OCA2: variants seen among roughly 807,000 people sequenced by gnomAD.
The protein encoded by OCA2 is P protein.
A neutral mutation model predicts 100.2 loss-of-function variants in OCA2; 77 were observed. The observed-to-expected ratio is 0.77, with a 90% CI of 0.64 to 0.93. OCA2 has a LOEUF of 0.93. Among genes scored for constraint, OCA2 ranks in the 40% least tolerant of loss-of-function variants. The probability of loss-of-function intolerance (pLI) is 0.00; values close to 1 mark genes in which losing one functional copy is unlikely to be tolerated. For synonymous variants in OCA2, 432 were observed against 439.2 expected, an observed-to-expected ratio of 0.98 and a Z score of 0.21; for missense variants, 1,062 against 1,089.1, an observed-to-expected ratio of 0.98 and a Z score of 0.35.
chr15:27,807,714 CT>C (rs1365727820), intron 23 of OCA2, among the ~76,000 whole-genome samples: 2 of 152,172 alleles, frequency 1.3e-5, no homozygotes, highest in African/African-American at 2.4e-5. Flanking sequence ...ATAATCTCCT[CT>C]CCCATAAAAA....
At chr15:28,069,593 G>T (rs1412631495) in intron 2 of OCA2, among the ~76,000 whole-genome samples, 1 of 140,790 alleles carries the variant, frequency 7.1e-6, no homozygotes, top group Non-Finnish European at 1.5e-5. Flanking sequence ...TGGTGGAGAC[G>T]GGGTTTCGCT....
intron 2 of OCA2, among the ~76,000 whole-genome samples, chr15:28,032,629 C>CAAAA (rs59831968): frequency 2.1e-5 from 3 of 141,014 alleles, no homozygotes; most frequent in Non-Finnish European, 3.1e-5. Context: ...ACTAAAAATA[C>CAAAA]AAAAAAAAAA....
At chr15:28,077,326 T>C (rs1273367466) in intron 2 of OCA2, among the ~76,000 whole-genome samples, 2 of 152,224 alleles carry the variant, frequency 1.3e-5, no homozygotes, top group African/African-American at 4.8e-5. Flanking sequence ...CCCAAAGTGC[T>C]GGGATTACAG....
At chr15:28,072,487 G>A (rs2044292466) in intron 2 of OCA2, among the ~76,000 whole-genome samples, 1 of 151,668 alleles carries the variant, frequency 6.6e-6, no homozygotes, top group African/African-American at 2.4e-5. Flanking sequence ...CTACTCGGAA[G>A]GCTGAGGCAG....
At chr15:27,766,748 C>T (rs4778177) in intron 23 of OCA2, among the ~76,000 whole-genome samples, 21,672 of 152,170 alleles carry the variant, frequency 0.14, 2,274 homozygotes, top group East Asian at 0.58. Flanking sequence ...AGCCCAGCAG[C>T]CCTGCTTCCC....
Position 27,926,145 on chromosome 15 carries a change from C to T in OCA2, c.2061G>A (p.Ala687=), listed in dbSNP as rs138335119. 78 of 1,613,956 alleles carry T rather than the reference C, an allele frequency of 4.8e-5. No homozygotes were observed. In the African/African-American group the frequency reaches 8.7e-4, roughly 18 times the overall value. The change falls in exon 19 of 24, where the codon GCG becomes GCA. Residue 687 remains alanine, a synonymous_variant. Transcript: ENST00000354638. Reference sequence around the variant, plus strand: ...ATCTTACCTCCATCAGAACAAAGAGCGCTGCAAAAAACAGAAGGGTTGCCC... The same window carrying T: ...ATCTTACCTCCATCAGAACAAAGAGTGCTGCAAAAAACAGAAGGGTTGCCC... ...VEWATLLFFA[A]LFVLMEALAH... is the part of the protein sequence containing the mutation.
the OCA2 span, among the ~76,000 whole-genome samples, chr15:27,725,299 G>A: frequency 2.0e-5 from 3 of 152,298 alleles, no homozygotes; most frequent in African/African-American, 4.8e-5. Flanking sequence ...TTCCTTGACC[G>A]GGCATGGTGG....
intron 19 of OCA2, chr15:27,896,464 A>C: frequency 1.6e-6 from 1 of 619,894 alleles, no homozygotes; most frequent in East Asian, 2.9e-5. Flanking sequence ...AAGAAGCCCA[A>C]GAAAAAAGTT....
intron 2 of OCA2, among the ~76,000 whole-genome samples, chr15:28,044,939 T>C (rs1485229688): frequency 6.6e-6 from 1 of 152,222 alleles, no homozygotes; most frequent in Non-Finnish European, 1.5e-5. Context: ...ATACTTAGAA[T>C]TGGTTCCTTT....
At chr15:27,940,703 G>A (rs776034288) in intron 18 of OCA2, among the ~76,000 whole-genome samples, 4 of 152,200 alleles carry the variant, frequency 2.6e-5, no homozygotes, top group Non-Finnish European at 5.9e-5. Flanking sequence ...GTTTGCAAAC[G>A]TTGAAAGAAA....
chr15:27,987,447 T>C (rs557757026), intron 11 of OCA2, among the ~76,000 whole-genome samples: 31 of 151,910 alleles, frequency 2.0e-4, no homozygotes, highest in East Asian at 5.8e-4. Flanking sequence ...AGGCTGGGTG[T>C]GGTGGCTCAC....
In OCA2 at chr15:28,081,681, C is replaced by T. The variant is rs2044628394; in HGVS notation, c.194G>A (p.Gly65Asp). 3.7e-6 allele frequency: 6 copies of T among 1,613,840 alleles called. No individual in the cohort carries two copies. Among genetic ancestry groups the T allele is most frequent in the Non-Finnish European group, 5.1e-6 (6 of 1,180,018 alleles). Residue 65 changes from glycine to aspartate, a missense_variant, in exon 2 of 24, where the codon GGC becomes GAC. Physicochemically the swap from Gly to Asp is moderately conservative, Grantham distance 94. Transcript: ENST00000354638. ...TGTGAGGAATGAAGCAAACTCCTGG[C>T]CTGCAGGAGCCCAAGAGCTCTGCCC... is the stretch of plus-strand genomic sequence containing the variant. ...AAGQSSWAPA[G>D]QEFASFLTKG...
chr15:27,757,965 C>T (rs1056542748), intron 23 of OCA2, among the ~76,000 whole-genome samples: 6 of 152,150 alleles, frequency 3.9e-5, no homozygotes, highest in Admixed American at 2.0e-4. Context: ...GAATTTTACT[C>T]TCAAATTAAA....
chr15:28,024,151 C>T (rs1372842210), intron 5 of OCA2, among the ~76,000 whole-genome samples: 2 of 152,156 alleles, frequency 1.3e-5, no homozygotes, highest in Admixed American at 6.5e-5. Context: ...GCTCCCTGCT[C>T]GGGCTCCTGT....
At chr15:27,798,967 A>G (rs16950428) in intron 23 of OCA2, among the ~76,000 whole-genome samples, 27,718 of 152,200 alleles carry the variant, frequency 0.18, 3,361 homozygotes, top group African/African-American at 0.34. Flanking sequence ...CTGTTACATA[A>G]AGAGAGAGAC....
chr15:28,084,326 A>T (rs2044736278), intron 1 of OCA2, among the ~76,000 whole-genome samples: 1 of 152,090 alleles, frequency 6.6e-6, no homozygotes, highest in Non-Finnish European at 1.5e-5. Flanking sequence ...ACACAGGAAC[A>T]TACCACCCAC....
At chr15:28,046,113 ACT>A (rs775510372) in intron 2 of OCA2, among the ~76,000 whole-genome samples, 1 of 151,826 alleles carries the variant, frequency 6.6e-6, no homozygotes, top group South Asian at 2.1e-4. Context: ...GACACTCCAG[ACT>A]CTCTCTTCCT....
At chr15:28,005,050 T>A (rs184773389) in intron 9 of OCA2, among the ~76,000 whole-genome samples, 4 of 152,240 alleles carry the variant, frequency 2.6e-5, no homozygotes, top group Admixed American at 2.0e-4. Flanking sequence ...TGTGCCGGCC[T>A]CGCCTCGCAC....
At chr15:27,999,855 A>T (rs926203783) in intron 9 of OCA2, among the ~76,000 whole-genome samples, 2 of 152,196 alleles carry the variant, frequency 1.3e-5, no homozygotes, top group Non-Finnish European at 2.9e-5. Context: ...GAAAGAAAAT[A>T]ATCCCATCTA....
Sources: gnomAD v4.1 joint callset for allele counts (sites outside exome capture counted in the v4.1 genomes callset) on GRCh38, gnomAD v4.1.1 for gene constraint, MANE v1.5 for transcripts, NCBI Gene and HGNC (gene_info 2026-07-23, HGNC 2026-07-21) for gene names.